The following NUDT4 variants were observed in gnomAD, a reference collection of about 807,000 sequenced individuals.
NUDT4 encodes the protein diphosphoinositol polyphosphate phosphohydrolase 2.
A neutral mutation model predicts 23.1 loss-of-function variants in NUDT4; 5 were observed. The ratio of observed to expected loss-of-function variants is 0.22; its 90% confidence interval spans 0.11 to 0.46. NUDT4 has a LOEUF of 0.46. Among genes scored for constraint, NUDT4 ranks in the 20% least tolerant of loss-of-function variants. The pLI is 0.99. For missense variants in NUDT4, 96 were observed against 211.6 expected (o/e 0.45, Z 3.39); for synonymous variants, 50 against 79.0 (o/e 0.63, Z 1.95).
rs190459469 is a variant in NUDT4, at chr12:93,398,378, A to G, written c.256-393A>G. On this transcript the variant is annotated intron_variant, in intron 3 of 4. Transcript: ENST00000415493. ...AAAAAAAGAAAAGAACATCAGATAT[A>G]TAGAAATAAGTGTTTAAAGTTTAGT... 9.3e-5 allele frequency among the ~76,000 whole-genome samples: 14 copies of G among 151,258 alleles called. No individual in the cohort carries two copies. The East Asian group carries it at 2.7e-3, about 29-fold the overall frequency.
chr12:93,395,568 T>G (rs749525415), intron 3 of NUDT4, 35 bp downstream of exon 3: 1 of 1,522,048 alleles, frequency 6.6e-7, no homozygotes, highest in East Asian at 2.3e-5. Flanking sequence ...TTGCTGATAA[T>G]AGAATTAATG....
chr12:93,397,683 C>T (rs188683671), intron 3 of NUDT4, among the ~76,000 whole-genome samples: 28 of 152,186 alleles, frequency 1.8e-4, no homozygotes, highest in African/African-American at 3.4e-4. Context: ...CAACCACGCC[C>T]GGCTAATATT....
intron 3 of NUDT4, among the ~76,000 whole-genome samples, chr12:93,396,470 T>C (rs564095934): frequency 6.6e-6 from 1 of 152,286 alleles, no homozygotes; most frequent in East Asian, 1.9e-4. Flanking sequence ...ATGGTCACTT[T>C]CCTTTTTTCA....
rs533844216 is a variant in NUDT4, at chr12:93,382,939, G to A, written c.99+4518G>A. On this transcript the variant is annotated intron_variant, in intron 1 of 4. Transcript: ENST00000415493. ...GCCTCCCAAAGTGCTGGGATTACAG[G>A]CATGAGCCACTGCACCCGGCTTGGA... is the stretch of plus-strand genomic sequence containing the variant. Among the ~76,000 whole-genome samples, 240 of 152,220 alleles carry A rather than the reference G, an allele frequency of 1.6e-3. 1 individual carries two copies. The highest frequency in any genetic ancestry group is 2.3e-3 in the Non-Finnish European group (156 of 68,018).
chr12:93,406,967 T>C lies in NUDT4; in HGVS notation c.*7588T>C, dbSNP rs1365144940. The C allele has an allele frequency of 1.3e-5, 2 of 152,166 alleles. No homozygotes were observed. Among genetic ancestry groups the C allele is most frequent in the South Asian group, 2.1e-4 (1 of 4,828 alleles). The allele number at this position is 152,166 out of a possible 1,614,324, so 9.4% of individuals were successfully genotyped here. A position where few individuals can be genotyped will look rare whatever the true frequency, so the allele number is the denominator to read the frequency against. ...ACTACAACAATCAAGTCAAAAAACATAAAGCTCCTATCAACACCTCAAGAT... is the reference window on the plus strand; with the variant it reads ...ACTACAACAATCAAGTCAAAAAACACAAAGCTCCTATCAACACCTCAAGAT... On this transcript the variant is annotated 3_prime_UTR_variant, in exon 5 of 5. Coordinates refer to ENST00000415493, the MANE Select transcript of NUDT4 (RefSeq NM_019094.6).
Position 93,403,506 on chromosome 12 carries a change from A to G in NUDT4, c.*4127A>G, listed in dbSNP as rs1442830904. ...GCTAATTTTTTTGTATTTTTAGTAG[A>G]GACGGGGTTTCACCATATTGGCCAG... On this transcript the variant is annotated 3_prime_UTR_variant, in exon 5 of 5. Transcript: ENST00000415493. 1 of 152,116 alleles carries G rather than the reference A, an allele frequency of 6.6e-6. No homozygotes were observed. The highest frequency in any genetic ancestry group is 1.9e-4 in the East Asian group (1 of 5,172). 9.4% of individuals were successfully genotyped at this position (152,116 alleles called of 1,614,324 possible).
In NUDT4 at chr12:93,379,581, T is replaced by C. The variant is rs1257197266; in HGVS notation, c.99+1160T>C. Reference sequence around the variant, plus strand: ...GCCCTTCAAACCCTTGTTTTGCCTTTATTTTTTTTTGAAAAGAAACCAAGC... The same window carrying C: ...GCCCTTCAAACCCTTGTTTTGCCTTCATTTTTTTTTGAAAAGAAACCAAGC... On this transcript the variant is annotated intron_variant, in intron 1 of 4. Transcript: ENST00000415493. 2.7e-5 allele frequency among the ~76,000 whole-genome samples: 4 copies of C among 148,034 alleles called. No homozygotes were observed. The Admixed American group carries it at 2.7e-4, about 10-fold the overall frequency.
At chr12:93,397,481 G>A (rs1193151499) in intron 3 of NUDT4, among the ~76,000 whole-genome samples, 1 of 150,962 alleles carries the variant, frequency 6.6e-6, no homozygotes, top group Non-Finnish European at 1.5e-5. Context: ...AGGCCAACTT[G>A]TTTAATTTTT....
In NUDT4 at chr12:93,402,955, T is replaced by G. The variant is rs1314914130; in HGVS notation, c.*3576T>G. On this transcript the variant is annotated 3_prime_UTR_variant, in exon 5 of 5. Transcript: ENST00000415493. ...CATTTTTTATTAGGGGTTTCTTAGT[T>G]GGAGGGCATGAGAAACTTGGCCCTT... 6.6e-6 allele frequency: 1 copy of G among 152,226 alleles called. No homozygotes were observed. The highest frequency in any genetic ancestry group is 1.5e-5 in the Non-Finnish European group (1 of 68,038). The allele number at this position is 152,226 out of a possible 1,614,324, so 9.4% of individuals were successfully genotyped here.
rs138776012 is a variant in NUDT4 at position 93,398,168 on chromosome 12, C to T, written c.256-603C>T. Among the ~76,000 whole-genome samples the T allele has an allele frequency of 4.8e-3, 724 of 151,506 alleles. 4 individuals are homozygous for T. The highest frequency in any genetic ancestry group is 9.0e-3 in the South Asian group (43 of 4,802). On this transcript the variant is annotated intron_variant, in intron 3 of 4. Coordinates refer to ENST00000415493, the MANE Select transcript of NUDT4 (RefSeq NM_019094.6). ...CATCCTGACCAACATGGTGAAACCC[C>T]GTCTGTACTAAAAATACAAAAATTA...
rs542860298 is a variant in NUDT4, at chr12:93,406,804, T to A, written c.*7425T>A. On this transcript the variant is annotated 3_prime_UTR_variant, in exon 5 of 5. Coordinates refer to ENST00000415493, the MANE Select transcript of NUDT4 (RefSeq NM_019094.6). ...TCCAGAGACTTGAGCATCTGCGAATTTGGATATCCAAAGGAAGTCCTAGAA... is the reference window on the plus strand; with the variant it reads ...TCCAGAGACTTGAGCATCTGCGAATATGGATATCCAAAGGAAGTCCTAGAA... The A allele has an allele frequency of 2.6e-5, 4 of 152,310 alleles. No individual in the cohort carries two copies. Among genetic ancestry groups the A allele is most frequent in the African/African-American group, 7.2e-5 (3 of 41,574 alleles). The allele number at this position is 152,310 out of a possible 1,614,324, so 9.4% of individuals were successfully genotyped here.
rs1188255789 is a variant in NUDT4, at chr12:93,402,274, T to G, written c.*2895T>G. ...AAACATCAAATAAAAATGGAAAAAATGATCATGGCTTTAAAAAAAAAACAA... is the reference window on the plus strand; with the variant it reads ...AAACATCAAATAAAAATGGAAAAAAGGATCATGGCTTTAAAAAAAAAACAA... On this transcript the variant is annotated 3_prime_UTR_variant, in exon 5 of 5. Transcript: ENST00000415493. The G allele has an allele frequency of 2.0e-5, 3 of 151,746 alleles. No individual in the cohort carries two copies. The highest frequency in any genetic ancestry group is 4.4e-5 in the Non-Finnish European group (3 of 67,942). 9.4% of individuals were successfully genotyped at this position (151,746 alleles called of 1,614,324 possible).
At chr12:93,392,073 A>ATG (rs1565780363) in intron 1 of NUDT4, among the ~76,000 whole-genome samples, 3 of 151,534 alleles carry the variant, frequency 2.0e-5, no homozygotes, top group African/African-American at 7.3e-5. Context: ...TAGTAGAGAT[A>ATG]GGGTTTCACC....
intron 2 of NUDT4, among the ~76,000 whole-genome samples, 179 bp downstream of exon 2, chr12:93,394,898 G>C (rs11107010): frequency 0.12 from 18,439 of 151,944 alleles, 1,514 homozygotes; most frequent in East Asian, 0.43. Context: ...GCCAGGCCTG[G>C]AGTACAGTGG....
chr12:93,385,949 A>G (rs867450421), intron 1 of NUDT4, among the ~76,000 whole-genome samples: 1 of 131,390 alleles, frequency 7.6e-6, no homozygotes, highest in East Asian at 2.4e-4. Context: ...TTTTATATAT[A>G]TATATATATA....
intron 1 of NUDT4, among the ~76,000 whole-genome samples, chr12:93,390,022 C>T (rs1052328376): frequency 2.0e-5 from 3 of 152,140 alleles, no homozygotes. Flanking sequence ...CTGGAAACAT[C>T]ATAGTCAATG....
chr12:93,393,098 T>C (rs1048014011), intron 1 of NUDT4, among the ~76,000 whole-genome samples: 1 of 143,922 alleles, frequency 6.9e-6, no homozygotes, highest in Admixed American at 6.9e-5. Flanking sequence ...GTCTTTTTTT[T>C]TTTTTTTTTT....
chr12:93,395,119 G>A (rs1253587897), intron 2 of NUDT4, among the ~76,000 whole-genome samples: 1 of 152,168 alleles, frequency 6.6e-6, no homozygotes, highest in Non-Finnish European at 1.5e-5. Flanking sequence ...AAAGTGCTGG[G>A]ATTACAGGCG....
chr12:93,396,624 G>A (rs963238097), intron 3 of NUDT4, among the ~76,000 whole-genome samples: 3 of 152,172 alleles, frequency 2.0e-5, no homozygotes, highest in African/African-American at 7.2e-5. Context: ...GTAATTAAGA[G>A]TAAAGTTGGC....
Sources: gnomAD v4.1 joint callset for allele counts (sites outside exome capture counted in the v4.1 genomes callset) on GRCh38, gnomAD v4.1.1 for gene constraint, MANE v1.5 for transcripts, NCBI Gene and HGNC (gene_info 2026-07-23, HGNC 2026-07-21) for gene names.